COQ4: variants seen among roughly 807,000 people sequenced by gnomAD.
COQ4 encodes ubiquinone biosynthesis protein COQ4 homolog, mitochondrial.
Under a neutral mutation model 30.2 loss-of-function variants are expected in COQ4, and 36 were observed. The ratio of observed to expected loss-of-function variants is 1.19; its 90% CI spans 0.91 to 1.57. The LOEUF is 1.57. Ranked by LOEUF, COQ4 falls within the 40% of genes most tolerant of loss-of-function variation. The pLI, the probability that COQ4 is intolerant of heterozygous loss-of-function variation, is 0.00. For synonymous variants in COQ4, 197 were observed against 161.0 expected (o/e 1.22, Z -1.69); for missense variants, 369 against 371.9 (o/e 0.99, Z 0.07).
At chr9:128,331,999 G>T (rs1832420587) in intron 4 of COQ4, 154 bp from the exon 5 acceptor site, 3 of 821,160 alleles carry the variant, frequency 3.7e-6, no homozygotes, top group Admixed American at 2.8e-5. Context: ...AAAGTGCTGG[G>T]ATTTACAGGC....
rs760294860 is a variant in COQ4, at chr9:128,325,128, T to C, written c.203-15T>C. On this transcript the variant is annotated splice_polypyrimidine_tract_variant and intron_variant, in intron 2 of 6. Coordinates refer to ENST00000300452, the MANE Select transcript of COQ4 (RefSeq NM_016035.5). The stretch of plus-strand genomic sequence containing the variant: ...AGATGACATCCCCCATTTGTGCCCG[T>C]TTCTGTCCTTTCAGACATGGTCGCA... The C allele has an allele frequency of 8.7e-6, 14 of 1,605,422 alleles. No homozygotes were observed. The South Asian group carries it at 1.3e-4, about 15-fold the overall frequency.
At chr9:128,326,599 C>T (rs1016780411) in intron 4 of COQ4, among the ~76,000 whole-genome samples, 49 of 152,032 alleles carry the variant, frequency 3.2e-4, no homozygotes, top group African/African-American at 1.0e-3. Flanking sequence ...CCCGCCACGA[C>T]GCCCGGCTAA....
intron 3 of COQ4, 99 bp from the exon 4 acceptor site, chr9:128,325,680 T>C: frequency 3.3e-6 from 3 of 908,746 alleles, no homozygotes; most frequent in Non-Finnish European, 5.3e-6. Flanking sequence ...GGTGGCCACA[T>C]TGCTCCTCTG....
chr9:128,323,223 G>A, intron 2 of COQ4, 76 bp downstream of exon 2: 1 of 1,418,772 alleles, frequency 7.0e-7, no homozygotes, highest in Non-Finnish European at 9.3e-7. Flanking sequence ...CATAGCCTAG[G>A]TCGGGGTACC....
At chr9:128,322,971 AG>A in intron 1 of COQ4, 43 bp downstream of exon 1, 2 of 1,606,278 alleles carry the variant, frequency 1.2e-6, no homozygotes, top group Non-Finnish European at 1.7e-6. Context: ...AAGGAGCCTG[AG>A]GGCGCCCGGC....
chr9:128,329,759 A>G (rs896246160), intron 4 of COQ4, among the ~76,000 whole-genome samples: 2 of 152,178 alleles, frequency 1.3e-5, no homozygotes, highest in South Asian at 2.1e-4. Context: ...AAGACACCCT[A>G]GGTGCCGGCA....
At chr9:128,332,372 C>T (rs1832429744) in intron 5 of COQ4, 90 bp downstream of exon 5, 5 of 1,433,744 alleles carry the variant, frequency 3.5e-6, no homozygotes, top group East Asian at 2.4e-5. Context: ...CTCTGCATCA[C>T]CTGGCTTGGT....
chr9:128,332,104 G>C, intron 4 of COQ4, 49 bp from the exon 5 acceptor site: 3 of 1,538,550 alleles, frequency 1.9e-6, no homozygotes, highest in Non-Finnish European at 1.8e-6. Context: ...GGCAAATCGG[G>C]CCCTGGGAAC....
At chr9:128,325,076 C>A in intron 2 of COQ4, 67 bp from the exon 3 acceptor site, 2 of 1,125,238 alleles carry the variant, frequency 1.8e-6, no homozygotes, top group South Asian at 1.3e-5. Context: ...GAAACAAAGG[C>A]TCAGACCAGG....
At chr9:128,326,645 G>A (rs1482596623) in intron 4 of COQ4, among the ~76,000 whole-genome samples, 2 of 151,720 alleles carry the variant, frequency 1.3e-5, no homozygotes, top group East Asian at 1.9e-4. Context: ...GGGTTTCACC[G>A]TGCTAGCCAG....
At chr9:128,332,984 T>C (rs374247420) in intron 6 of COQ4, 41 bp downstream of exon 6, 3 of 1,484,144 alleles carry the variant, frequency 2.0e-6, no homozygotes, top group African/African-American at 1.4e-5. Flanking sequence ...TTGAGGGTGG[T>C]ATCAGGACAG....
rs200384353 is a variant in COQ4 at position 128,325,278 on chromosome 9, C to T, written c.299+39C>T. On this transcript the variant is annotated intron_variant, in intron 3 of 6. Coordinates refer to ENST00000300452, the MANE Select transcript of COQ4 (RefSeq NM_016035.5). ...CTGCCTGGGGGTCTGGGGGCATTCT[C>T]TAGGTATTCTGACCTCTCTAGAATC... 3.5e-5 allele frequency: 49 copies of T among 1,403,054 alleles called. No homozygotes were observed. The East Asian group carries it at 1.1e-3, about 30-fold the overall frequency. The allele number at this position is 1,403,054 out of a possible 1,614,324, so 86.9% of individuals were successfully genotyped here. A position where few individuals can be genotyped will look rare whatever the true frequency, so the allele number is the denominator to read the frequency against.
intron 4 of COQ4, among the ~76,000 whole-genome samples, chr9:128,329,456 A>G (rs529516550): frequency 6.6e-6 from 1 of 152,210 alleles, no homozygotes; most frequent in East Asian, 1.9e-4. Flanking sequence ...GGCTCACTGC[A>G]ACCTCCACCT....
chr9:128,333,870 C>T lies in COQ4; in HGVS notation c.*225C>T, dbSNP rs1832456690. ...GGGACCAGCAGCTACCCAAGGAGAA[C>T]CATGCATGAACAGTATCAGTCGTCT... On this transcript the variant is annotated 3_prime_UTR_variant, in exon 7 of 7. Coordinates refer to ENST00000300452, the MANE Select transcript of COQ4 (RefSeq NM_016035.5). The T allele has an allele frequency of 2.4e-6, 1 of 415,214 alleles. No individual in the cohort carries two copies. Among genetic ancestry groups the T allele is most frequent in the Non-Finnish European group, 4.3e-6 (1 of 235,232 alleles). The allele number at this position is 415,214 out of a possible 1,614,324, so 25.7% of individuals were successfully genotyped here. A position where few individuals can be genotyped will look rare whatever the true frequency, so the allele number is the denominator to read the frequency against.
At chr9:128,332,471 A>T (rs1330891795) in intron 5 of COQ4, 189 bp downstream of exon 5, 3 of 651,380 alleles carry the variant, frequency 4.6e-6, no homozygotes, top group African/African-American at 1.8e-5. Flanking sequence ...GGGCTCCTGC[A>T]CTAATGGAGC....
At chr9:128,325,453 GC>G (rs1477724249) in intron 3 of COQ4, among the ~76,000 whole-genome samples, 1 of 152,156 alleles carries the variant, frequency 6.6e-6, no homozygotes, top group Non-Finnish European at 1.5e-5. Context: ...GATAGCCTTG[GC>G]CCAGTTTCAA....
At position 128,332,161 on chromosome 9, in the gene COQ4, C is replaced by T. The variant is rs528302926; in HGVS notation, c.411C>T (p.Ser137=). 5.1e-6 allele frequency: 8 copies of T among 1,568,720 alleles called. No individual in the cohort carries two copies. In the African/African-American group the frequency reaches 1.1e-4, roughly 21 times the overall value. ...YLRFLDVNRV[S]PDTRAPTRFV... ...AGGCTCATGGTTGTCAGAGGGTCTC[C>T]CCAGACACCCGAGCACCCACCCGCT... The change falls in exon 5 of 7, where the codon TCC becomes TCT. Residue 137 remains serine (S), a synonymous_variant. Transcript: ENST00000300452.
At chr9:128,323,612 T>TA (rs1238599040) in intron 2 of COQ4, 1 of 358,794 alleles carries the variant, frequency 2.8e-6, no homozygotes, top group Non-Finnish European at 5.0e-6. Context: ...GTGTTTTTCT[T>TA]ATGCCTCCTA....
intron 6 of COQ4, among the ~76,000 whole-genome samples, 158 bp from the exon 7 acceptor site, chr9:128,333,316 C>T (rs568578917): frequency 6.6e-6 from 1 of 152,286 alleles, no homozygotes; most frequent in Admixed American, 6.5e-5. Context: ...TGAGATTCCA[C>T]CTCACTGAGC....
Sources: allele counts gnomAD v4.1 joint callset (sites outside exome capture counted in the v4.1 genomes callset), GRCh38; gene constraint gnomAD v4.1.1; transcripts MANE v1.5; gene names NCBI Gene and HGNC (gene_info 2026-07-23, HGNC 2026-07-21).